The following CACNA2D1 variants were observed in gnomAD, a reference collection of about 807,000 sequenced individuals.
CACNA2D1 encodes voltage-dependent calcium channel subunit alpha-2/delta-1.
In CACNA2D1, 53 loss-of-function variants were observed where a neutral mutation model predicts 171.5. The observed-to-expected ratio is 0.31, with a 90% CI of 0.25 to 0.39. CACNA2D1 has a LOEUF of 0.39. Ranked by LOEUF, CACNA2D1 falls within the 10% of genes least tolerant of loss-of-function variation. CACNA2D1 has a pLI of 1.00. For missense variants in CACNA2D1, 903 were observed against 1,299.8 expected, an observed-to-expected ratio of 0.69 and a Z score of 4.69; for synonymous variants, 442 against 443.1, an observed-to-expected ratio of 1.00 and a Z score of 0.03.
intron 3 of CACNA2D1, among the ~76,000 whole-genome samples, chr7:82,189,863 C>G (rs1798122356): frequency 6.6e-6 from 1 of 151,836 alleles, no homozygotes; most frequent in Non-Finnish European, 1.5e-5. Flanking sequence ...TAAGATTACT[C>G]ATGATTTTGC....
intron 12 of CACNA2D1, among the ~76,000 whole-genome samples, chr7:82,020,228 G>T (rs571662622): frequency 3.7e-4 from 57 of 152,206 alleles, no homozygotes; most frequent in South Asian, 6.2e-4. Context: ...CTCCTGGGTG[G>T]GCAAATTATG....
intron 3 of CACNA2D1, among the ~76,000 whole-genome samples, chr7:82,299,060 CAAAAAA>C (rs11438533): frequency 0.016 from 1,757 of 111,854 alleles, 50 homozygotes; most frequent in African/African-American, 0.052. Flanking sequence ...GAGACTCTGT[CAAAAAA>C]AAAAAAAAAA....
In CACNA2D1 at chr7:82,398,898, T is replaced by G. The variant is rs56828276; in HGVS notation, c.95+44467A>C. 3.4e-3 allele frequency among the ~76,000 whole-genome samples: 519 copies of G among 151,648 alleles called. 1 individual carries two copies. Among genetic ancestry groups the G allele is most frequent in the African/African-American group, 0.012 (497 of 41,342 alleles). On this transcript the variant is annotated intron_variant, in intron 1 of 38. Coordinates refer to ENST00000356860, the MANE Select transcript of CACNA2D1 (RefSeq NM_000722.4). ...CCGGCCCCATTCTCCCCTTTTTTTT[T>G]CCTTCCTTCTACCCTTCTTTCCTTC...
intron 1 of CACNA2D1, among the ~76,000 whole-genome samples, chr7:82,376,391 C>T (rs1823021233): frequency 6.6e-6 from 1 of 152,134 alleles, no homozygotes; most frequent in African/African-American, 2.4e-5. Context: ...ATTGTCCTTG[C>T]TTTACTTCCC....
chr7:82,401,950 A>G (rs776820666), intron 1 of CACNA2D1, among the ~76,000 whole-genome samples: 1 of 152,238 alleles, frequency 6.6e-6, no homozygotes, highest in African/African-American at 2.4e-5. Flanking sequence ...GCGCGAAAGC[A>G]GAGTTGTAAT....
chr7:82,278,657 T>C (rs1270979337), intron 3 of CACNA2D1, among the ~76,000 whole-genome samples: 1 of 152,032 alleles, frequency 6.6e-6, no homozygotes, highest in African/African-American at 2.4e-5. Flanking sequence ...TTACCAAGTC[T>C]GTTATAAAAC....
intron 1 of CACNA2D1, among the ~76,000 whole-genome samples, chr7:82,421,290 C>G (rs554445899): frequency 6.6e-6 from 1 of 152,278 alleles, no homozygotes; most frequent in Non-Finnish European, 1.5e-5. Flanking sequence ...CCCAGAAGCT[C>G]CTCTTCTGAA....
chr7:82,186,644 G>C (rs1797813997), intron 3 of CACNA2D1, among the ~76,000 whole-genome samples: 1 of 152,018 alleles, frequency 6.6e-6, no homozygotes, highest in Non-Finnish European at 1.5e-5. Context: ...GCTTTTAAAA[G>C]TTTATTATAC....
At chr7:82,050,310 A>G (rs1271266114) in intron 10 of CACNA2D1, 1 of 395,232 alleles carries the variant, frequency 2.5e-6, no homozygotes, top group Admixed American at 3.8e-5. Context: ...TGTCATAGAT[A>G]AAAGGCAGAA....
intron 1 of CACNA2D1, among the ~76,000 whole-genome samples, chr7:82,428,663 T>C (rs1829413156): frequency 6.6e-6 from 1 of 152,212 alleles, no homozygotes; most frequent in Non-Finnish European, 1.5e-5. Context: ...TTCAGTGGAA[T>C]ATACATAGAC....
chr7:81,970,445 A>G (rs903718301), intron 27 of CACNA2D1, among the ~76,000 whole-genome samples: 2 of 151,588 alleles, frequency 1.3e-5, no homozygotes, highest in Non-Finnish European at 3.0e-5. Context: ...CGTCTCTTAA[A>G]TGTTGTAATA....
At chr7:82,031,903 G>A (rs1802744899) in intron 12 of CACNA2D1, among the ~76,000 whole-genome samples, 1 of 151,962 alleles carries the variant, frequency 6.6e-6, no homozygotes, top group African/African-American at 2.4e-5. Flanking sequence ...ACCCTGCAGA[G>A]TCTTCTTATA....
chr7:82,144,554 T>C (rs1312334512), intron 4 of CACNA2D1, among the ~76,000 whole-genome samples: 1 of 152,054 alleles, frequency 6.6e-6, no homozygotes, highest in Non-Finnish European at 1.5e-5. Context: ...TTTTTTCACC[T>C]AAAATTTAAA....
Position 82,346,686 on chromosome 7 carries a change from T to A in CACNA2D1, c.177+2882A>T, listed in dbSNP as rs141578620. Among the ~76,000 whole-genome samples the A allele has an allele frequency of 4.6e-4, 70 of 152,232 alleles. 1 individual carries two copies. The East Asian group carries it at 0.013, about 28-fold the overall frequency. On this transcript the variant is annotated intron_variant, in intron 2 of 38. Coordinates refer to ENST00000356860, the MANE Select transcript of CACNA2D1 (RefSeq NM_000722.4). ...TATATGTTGACATTTCCTTACACTC[T>A]TTTCTTTTTGAAAAAAAAAATCAAA...
intron 18 of CACNA2D1, among the ~76,000 whole-genome samples, chr7:82,000,914 C>A (rs982614846): frequency 6.6e-6 from 1 of 150,416 alleles, no homozygotes; most frequent in Non-Finnish European, 1.5e-5. Flanking sequence ...TAGGCATGAG[C>A]CACCGTGGCC....
intron 10 of CACNA2D1, among the ~76,000 whole-genome samples, chr7:82,049,138 A>AG (rs1804903627): frequency 6.6e-6 from 1 of 151,112 alleles, no homozygotes; most frequent in African/African-American, 2.4e-5. Context: ...AAAAAAAAAA[A>AG]AAAAGAAAAA....
At chr7:82,421,616 G>C (rs962289695) in intron 1 of CACNA2D1, among the ~76,000 whole-genome samples, 2 of 151,966 alleles carry the variant, frequency 1.3e-5, no homozygotes, top group African/African-American at 4.8e-5. Flanking sequence ...AGAAGGGCAG[G>C]GAAAGAGAGG....
chr7:82,061,186 C>A (rs1806868162), intron 9 of CACNA2D1, among the ~76,000 whole-genome samples: 1 of 152,184 alleles, frequency 6.6e-6, no homozygotes, highest in South Asian at 2.1e-4. Context: ...TCCAAAATGA[C>A]ACATTACTTC....
chr7:82,430,994 G>C (rs928311064), intron 1 of CACNA2D1, among the ~76,000 whole-genome samples: 2 of 152,160 alleles, frequency 1.3e-5, no homozygotes, highest in Non-Finnish European at 2.9e-5. Flanking sequence ...GGTGCTGACT[G>C]AAATGTCACA....
Sources: allele counts gnomAD v4.1 joint callset (sites outside exome capture counted in the v4.1 genomes callset), GRCh38; gene constraint gnomAD v4.1.1; transcripts MANE v1.5; gene names NCBI Gene and HGNC (gene_info 2026-07-23, HGNC 2026-07-21).